The following LRRC4C variants were observed in gnomAD, a reference collection of about 807,000 sequenced individuals.
LRRC4C encodes leucine rich repeat containing 4C.
In LRRC4C, 5 loss-of-function variants were observed where a neutral mutation model predicts 33.6. That is an observed-to-expected ratio of 0.15 (90% CI 0.08 to 0.31). The LOEUF is 0.31. Ranked by LOEUF, LRRC4C falls within the 10% of genes least tolerant of loss-of-function variation. The probability of loss-of-function intolerance (pLI) is 1.00; values close to 1 mark genes in which losing one functional copy is unlikely to be tolerated. For missense variants in LRRC4C, 560 were observed against 796.7 expected, an observed-to-expected ratio of 0.70 and a Z score of 3.58; for synonymous variants, 329 against 302.0, an observed-to-expected ratio of 1.09 and a Z score of -0.93.
At chr11:41,155,212 C>T (rs1285150264) in intron 1 of LRRC4C, among the ~76,000 whole-genome samples, 1 of 152,072 alleles carries the variant, frequency 6.6e-6, no homozygotes, top group African/African-American at 2.4e-5. Flanking sequence ...ATTCCAACAT[C>T]CTTATGGGAC....
At chr11:40,918,345 AAG>A (rs1957045066) in intron 2 of LRRC4C, among the ~76,000 whole-genome samples, 1 of 151,884 alleles carries the variant, frequency 6.6e-6, no homozygotes, top group Non-Finnish European at 1.5e-5. Context: ...TTTGCATTTA[AAG>A]AGAGAGTGGG....
intron 1 of LRRC4C, among the ~76,000 whole-genome samples, chr11:41,010,718 C>A (rs1261460070): frequency 1.3e-5 from 2 of 152,184 alleles, no homozygotes; most frequent in Non-Finnish European, 2.9e-5. Context: ...ATGGTGGCAA[C>A]TTCCTTAAGA....
At chr11:40,243,859 T>C (rs1405747699) in intron 4 of LRRC4C, among the ~76,000 whole-genome samples, 1 of 150,888 alleles carries the variant, frequency 6.6e-6, no homozygotes, top group African/African-American at 2.4e-5. Flanking sequence ...TGGGTATTTT[T>C]TTTTTTTTTT....
At chr11:40,630,439 T>G (rs768792629) in intron 3 of LRRC4C, among the ~76,000 whole-genome samples, 1 of 150,030 alleles carries the variant, frequency 6.7e-6, no homozygotes, top group Non-Finnish European at 1.5e-5. Context: ...TTTTTGATAG[T>G]CAGTTTACCA....
intron 2 of LRRC4C, among the ~76,000 whole-genome samples, chr11:40,909,591 G>T (rs139590057): frequency 1.3e-5 from 2 of 151,868 alleles, no homozygotes; most frequent in African/African-American, 2.4e-5. Flanking sequence ...GAAGCATATA[G>T]ACCAGTCCTA....
intron 2 of LRRC4C, among the ~76,000 whole-genome samples, chr11:40,806,538 C>T (rs1287016320): frequency 1.3e-5 from 2 of 152,188 alleles, no homozygotes; most frequent in African/African-American, 4.8e-5. Flanking sequence ...CCACAAGAAT[C>T]GGGACAGTCA....
At chr11:41,386,160 G>A (rs1953352103) in intron 1 of LRRC4C, among the ~76,000 whole-genome samples, 1 of 151,534 alleles carries the variant, frequency 6.6e-6, no homozygotes, top group Non-Finnish European at 1.5e-5. Flanking sequence ...CCAGCAACTA[G>A]TTAAATGCTT....
At position 40,535,754 on chromosome 11, in the gene LRRC4C, A is replaced by C. The variant is rs565722947; in HGVS notation, c.-270+112388T>G. 7.2e-5 allele frequency among the ~76,000 whole-genome samples: 11 copies of C among 152,342 alleles called. No individual in the cohort carries two copies. The South Asian group carries it at 8.3e-4, about 11-fold the overall frequency. ...TAGACCAGACATGTGAAGAAGGTTAAAACATAGTTCTCCTTAGTATAAATG... is the reference window on the plus strand; with the variant it reads ...TAGACCAGACATGTGAAGAAGGTTACAACATAGTTCTCCTTAGTATAAATG... On this transcript the variant is annotated intron_variant, in intron 3 of 6. Coordinates refer to ENST00000528697, the MANE Select transcript of LRRC4C (RefSeq NM_001258419.2).
chr11:41,196,804 G>A (rs905680873), intron 1 of LRRC4C, among the ~76,000 whole-genome samples: 1 of 151,982 alleles, frequency 6.6e-6, no homozygotes, highest in African/African-American at 2.4e-5. Context: ...TTTCTTTCAG[G>A]TCAGCTTCAC....
chr11:41,402,645 A>G (rs1190352736), intron 1 of LRRC4C, among the ~76,000 whole-genome samples: 1 of 152,012 alleles, frequency 6.6e-6, no homozygotes, highest in East Asian at 1.9e-4. Context: ...AAGAAGAGAA[A>G]TCAGTATGCT....
At chr11:40,359,434 A>C (rs1947846591) in intron 3 of LRRC4C, among the ~76,000 whole-genome samples, 1 of 152,298 alleles carries the variant, frequency 6.6e-6, no homozygotes, top group African/African-American at 2.4e-5. Flanking sequence ...CCCCAAAGCC[A>C]TCCATTATTT....
intron 1 of LRRC4C, among the ~76,000 whole-genome samples, chr11:41,284,325 T>C (rs1301596382): frequency 6.6e-6 from 1 of 152,230 alleles, no homozygotes; most frequent in Non-Finnish European, 1.5e-5. Context: ...CACACAAATG[T>C]AAGTAATGAA....
chr11:41,171,000 A>G (rs1263241968), intron 1 of LRRC4C, among the ~76,000 whole-genome samples: 5 of 152,254 alleles, frequency 3.3e-5, no homozygotes, highest in African/African-American at 7.2e-5. Context: ...AACACATGAA[A>G]AAATGCTCAT....
intron 1 of LRRC4C, among the ~76,000 whole-genome samples, chr11:41,375,325 G>A (rs2922049): frequency 0.71 from 108,254 of 151,812 alleles, 38,918 homozygotes; most frequent in East Asian, 0.83. Flanking sequence ...TGTGACATAC[G>A]TAAGTACAAT....
At chr11:41,201,634 C>T (rs936252629) in intron 1 of LRRC4C, among the ~76,000 whole-genome samples, 3 of 152,122 alleles carry the variant, frequency 2.0e-5, no homozygotes, top group African/African-American at 7.2e-5. Flanking sequence ...CAAATATCTG[C>T]CTGTTTACAA....
At chr11:41,100,644 A>G (rs1051393409) in intron 1 of LRRC4C, among the ~76,000 whole-genome samples, 7 of 152,106 alleles carry the variant, frequency 4.6e-5, no homozygotes, top group Non-Finnish European at 8.8e-5. Context: ...ATTCAATGCT[A>G]TTTCTATCAA....
At chr11:40,692,862 G>C (rs78523563) in intron 2 of LRRC4C, among the ~76,000 whole-genome samples, 2 of 152,170 alleles carry the variant, frequency 1.3e-5, no homozygotes, top group African/African-American at 4.8e-5. Flanking sequence ...CATGGTATGA[G>C]AAGAACCTTA....
chr11:40,353,557 C>T (rs916377468), intron 3 of LRRC4C, among the ~76,000 whole-genome samples: 3 of 151,950 alleles, frequency 2.0e-5, no homozygotes, highest in Admixed American at 1.3e-4. Flanking sequence ...TCTCTAAAAA[C>T]ACAAAAATTA....
intron 3 of LRRC4C, among the ~76,000 whole-genome samples, chr11:40,342,811 A>G (rs1316417888): frequency 1.3e-5 from 2 of 152,044 alleles, no homozygotes; most frequent in Non-Finnish European, 2.9e-5. Flanking sequence ...TACCCCATAT[A>G]TACTACATAT....
Sources: gnomAD v4.1 joint callset for allele counts (sites outside exome capture counted in the v4.1 genomes callset) on GRCh38, gnomAD v4.1.1 for gene constraint, MANE v1.5 for transcripts, NCBI Gene and HGNC (gene_info 2026-07-23, HGNC 2026-07-21) for gene names.